Variants in TEAD1 observed in about 807,000 individuals in gnomAD.
The protein encoded by TEAD1 is transcriptional enhancer factor TEF-1.
TEAD1 carries 9 observed loss-of-function variants against 54.9 expected under a neutral mutation model. The ratio of observed to expected loss-of-function variants is 0.16; its 90% CI spans 0.10 to 0.29. The LOEUF is 0.29. Among genes scored for constraint, TEAD1 ranks in the 10% least tolerant of loss-of-function variants. The pLI is 1.00. For synonymous variants in TEAD1, 200 were observed against 187.8 expected (o/e 1.07, Z -0.53); for missense variants, 387 against 535.9 (o/e 0.72, Z 2.74).
Position 12,900,391 on chromosome 11 carries a change from A to T in TEAD1, c.700-1549A>T, listed in dbSNP as rs558910006. On this transcript the variant is annotated intron_variant, in intron 9 of 12. Transcript: ENST00000527636. Reference sequence around the variant, plus strand: ...CACTGCTTTTAATACGCTAGTATTTACTGTGAATCTCTAAGAGAGGTCTTA... The same window carrying T: ...CACTGCTTTTAATACGCTAGTATTTTCTGTGAATCTCTAAGAGAGGTCTTA... Among the ~76,000 whole-genome samples, 4 of 152,346 alleles carry T rather than the reference A, an allele frequency of 2.6e-5. No individual in the cohort carries two copies. In the South Asian group the frequency reaches 8.3e-4, roughly 32 times the overall value.
intron 9 of TEAD1, among the ~76,000 whole-genome samples, chr11:12,885,435 C>T (rs1027548239): frequency 6.6e-6 from 1 of 151,934 alleles, no homozygotes; most frequent in Non-Finnish European, 1.5e-5. Flanking sequence ...GACGGGGTTT[C>T]ACCGTGTTAG....
At chr11:12,690,101 C>T (rs866609265) in intron 2 of TEAD1, among the ~76,000 whole-genome samples, 13 of 151,880 alleles carry the variant, frequency 8.6e-5, no homozygotes, top group African/African-American at 2.2e-4. Context: ...ATTAGCCAGG[C>T]GTGGTGGCGG....
intron 3 of TEAD1, among the ~76,000 whole-genome samples, chr11:12,839,482 C>T (rs546528519): frequency 1.3e-5 from 2 of 152,296 alleles, no homozygotes; most frequent in Admixed American, 1.3e-4. Context: ...ATACTGCATC[C>T]ACTCTGTCCA....
At chr11:12,883,935 C>T (rs577268677) in intron 9 of TEAD1, among the ~76,000 whole-genome samples, 270 of 150,018 alleles carry the variant, frequency 1.8e-3, no homozygotes, top group African/African-American at 5.8e-3. Flanking sequence ...GCGGAGGTTG[C>T]GGTGAGCCAA....
intron 2 of TEAD1, among the ~76,000 whole-genome samples, chr11:12,713,182 G>C (rs1375575636): frequency 1.3e-5 from 2 of 152,052 alleles, no homozygotes; most frequent in Admixed American, 1.3e-4. Context: ...ACCATGCCTG[G>C]CTAATATTTT....
intron 12 of TEAD1, among the ~76,000 whole-genome samples, chr11:12,934,582 A>G (rs1949067809): frequency 6.6e-6 from 1 of 152,020 alleles, no homozygotes; most frequent in Non-Finnish European, 1.5e-5. Context: ...TAAAAAAAAA[A>G]AAGAATGGAT....
intron 3 of TEAD1, among the ~76,000 whole-genome samples, chr11:12,847,833 AAGG>A (rs896628824): frequency 5.3e-5 from 8 of 152,192 alleles, no homozygotes; most frequent in African/African-American, 1.2e-4. Flanking sequence ...AGAAATTTAA[AAGG>A]AGAAGAAAAA....
At chr11:12,832,095 C>T (rs1244684899) in intron 3 of TEAD1, among the ~76,000 whole-genome samples, 3 of 152,088 alleles carry the variant, frequency 2.0e-5, no homozygotes, top group Non-Finnish European at 4.4e-5. Flanking sequence ...TGTCCCCCCA[C>T]CCCCAACCCT....
chr11:12,883,391 G>A (rs934364283), intron 9 of TEAD1, among the ~76,000 whole-genome samples: 9 of 152,154 alleles, frequency 5.9e-5, no homozygotes, highest in African/African-American at 1.4e-4. Context: ...AGAGAGGGAC[G>A]TTTACAAGCT....
At chr11:12,904,623 G>A (rs995406605) in intron 10 of TEAD1, among the ~76,000 whole-genome samples, 2 of 152,088 alleles carry the variant, frequency 1.3e-5, no homozygotes, top group Non-Finnish European at 2.9e-5. Flanking sequence ...AGCACTACCT[G>A]TCTCACTAAT....
chr11:12,864,395 AT>A (rs956333563), intron 4 of TEAD1, among the ~76,000 whole-genome samples: 4 of 152,072 alleles, frequency 2.6e-5, no homozygotes, highest in Non-Finnish European at 4.4e-5. Context: ...AGTGCCCATG[AT>A]TTCTCTTGGG....
chr11:12,879,737 G>A lies in TEAD1; in HGVS notation c.360G>A (p.Gln120=), dbSNP rs1371434505. 3 of 1,614,224 alleles carry A rather than the reference G, an allele frequency of 1.9e-6. No homozygotes were observed. The South Asian group carries it at 3.3e-5, about 18-fold the overall frequency. ...AGACTGCAAAGGATAAGGCCCTGCA[G>A]CACATGGCGGCCATGTCCTCAGCCC... The change falls in exon 6 of 13, where the codon CAG becomes CAA. Residue 120 remains glutamine, a synonymous_variant. Transcript: ENST00000527636.
At chr11:12,859,427 C>A (rs1947455819) in intron 3 of TEAD1, among the ~76,000 whole-genome samples, 1 of 152,122 alleles carries the variant, frequency 6.6e-6, no homozygotes, top group Non-Finnish European at 1.5e-5. Context: ...ACAGTGAGGC[C>A]CCAGGTTGGA....
At chr11:12,713,754 T>C (rs1200936594) in intron 2 of TEAD1, among the ~76,000 whole-genome samples, 1 of 152,200 alleles carries the variant, frequency 6.6e-6, no homozygotes, top group Non-Finnish European at 1.5e-5. Context: ...CTCAGTGACC[T>C]CATAGGACCT....
rs1020106196 is a variant in TEAD1 at position 12,674,433 on chromosome 11, C to T, written c.-609C>T. 2.7e-5 allele frequency among the ~76,000 whole-genome samples: 4 copies of T among 150,598 alleles called. No homozygotes were observed. Among genetic ancestry groups the T allele is most frequent in the African/African-American group, 7.3e-5 (3 of 41,230 alleles). On this transcript the variant is annotated 5_prime_UTR_variant, in exon 1 of 13. Transcript: ENST00000527636. ...CATTCCTGTCCTCATTCCGAACATT[C>T]TTAGCATCGCTCGCGCCGCGCCGCG...
At chr11:12,870,988 A>AGT (rs1947734899) in intron 5 of TEAD1, among the ~76,000 whole-genome samples, 1 of 152,154 alleles carries the variant, frequency 6.6e-6, no homozygotes, top group Non-Finnish European at 1.5e-5. Context: ...TAGTGATGGG[A>AGT]GTGCTATGTG....
intron 3 of TEAD1, among the ~76,000 whole-genome samples, chr11:12,858,839 A>G (rs532257278): frequency 3.3e-5 from 5 of 152,350 alleles, no homozygotes; most frequent in Admixed American, 3.3e-4. Context: ...TCATCAGGTG[A>G]TTTTAGTCAT....
intron 2 of TEAD1, among the ~76,000 whole-genome samples, chr11:12,756,942 C>CT (rs1187665838): frequency 1.3e-5 from 2 of 152,112 alleles, no homozygotes; most frequent in Non-Finnish European, 2.9e-5. Flanking sequence ...AGTAAAGCAC[C>CT]TTTTTTCCCC....
chr11:12,880,772 C>G (rs766720160), intron 6 of TEAD1, among the ~76,000 whole-genome samples: 6 of 152,226 alleles, frequency 3.9e-5, no homozygotes, highest in Non-Finnish European at 4.4e-5. Flanking sequence ...CTGCCTGCGT[C>G]TGCCCTTGGG....
Sources: allele counts gnomAD v4.1 joint callset (sites outside exome capture counted in the v4.1 genomes callset), GRCh38; gene constraint gnomAD v4.1.1; transcripts MANE v1.5; gene names NCBI Gene and HGNC (gene_info 2026-07-23, HGNC 2026-07-21).